The following BASP1 variants were observed in gnomAD, a reference collection of about 807,000 sequenced individuals.
The protein encoded by BASP1 is brain acid soluble protein 1.
BASP1 carries 1 observed loss-of-function variant against 2.2 expected under a neutral mutation model. That is an observed-to-expected ratio of 0.46 (90% CI 0.16 to 2.17). BASP1 has a LOEUF of 2.17. Ranked by LOEUF, BASP1 falls within the 30% of genes most tolerant of loss-of-function variation. BASP1 has a pLI of 0.27. For missense variants in BASP1, 352 were observed against 327.2 expected (o/e 1.08, Z -0.58); for synonymous variants, 187 against 154.2 (o/e 1.21, Z -1.58).
intron 1 of BASP1, among the ~76,000 whole-genome samples, chr5:17,274,891 G>A (rs879749745): frequency 5.9e-5 from 9 of 152,124 alleles, no homozygotes; most frequent in African/African-American, 1.9e-4. Context: ...TTACTTGGGC[G>A]TGGTGGGTAC....
chr5:17,242,242 A>G (rs1423258243), intron 1 of BASP1, among the ~76,000 whole-genome samples: 1 of 152,182 alleles, frequency 6.6e-6, no homozygotes, highest in Non-Finnish European at 1.5e-5. Flanking sequence ...AAAATGCAAG[A>G]AATAGTAGAA....
At chr5:17,270,837 A>T (rs1007980549) in intron 1 of BASP1, among the ~76,000 whole-genome samples, 4 of 152,202 alleles carry the variant, frequency 2.6e-5, no homozygotes, top group Admixed American at 2.0e-4. Flanking sequence ...ATTGACATTT[A>T]AAAAAATTTT....
At chr5:17,228,226 CCAGA>C (rs1316109982) in intron 1 of BASP1, among the ~76,000 whole-genome samples, 1 of 152,156 alleles carries the variant, frequency 6.6e-6, no homozygotes, top group East Asian at 1.9e-4. Flanking sequence ...TTTCTGCCAT[CCAGA>C]CAGAGAGCCT....
chr5:17,242,995 C>T (rs1373932917), intron 1 of BASP1, among the ~76,000 whole-genome samples: 1 of 151,814 alleles, frequency 6.6e-6, no homozygotes, highest in Non-Finnish European at 1.5e-5. Flanking sequence ...TAAGTCTGTG[C>T]CTTTCTGAAA....
At chr5:17,223,658 A>G (rs1328926289) in intron 1 of BASP1, among the ~76,000 whole-genome samples, 1 of 152,196 alleles carries the variant, frequency 6.6e-6, no homozygotes, top group Non-Finnish European at 1.5e-5. Flanking sequence ...GAAAAAAATG[A>G]AAGTCCTTGG....
chr5:17,261,797 T>C (rs985144530), intron 1 of BASP1, among the ~76,000 whole-genome samples: 1 of 152,248 alleles, frequency 6.6e-6, no homozygotes, highest in African/African-American at 2.4e-5. Context: ...CAAATCCTTG[T>C]AAACAAATAA....
chr5:17,240,792 G>A (rs1384343663), intron 1 of BASP1: 1 of 152,160 alleles, frequency 6.6e-6, no homozygotes, highest in Non-Finnish European at 1.5e-5. Flanking sequence ...CTACAGAACT[G>A]TGAGAAGTAA....
intron 1 of BASP1, among the ~76,000 whole-genome samples, chr5:17,241,949 C>T (rs1004073469): frequency 2.0e-5 from 3 of 152,154 alleles, no homozygotes; most frequent in East Asian, 1.9e-4. Context: ...AACTCTCAAC[C>T]GAGATACTGA....
At chr5:17,221,939 A>G (rs187958629) in intron 1 of BASP1, among the ~76,000 whole-genome samples, 7 of 152,226 alleles carry the variant, frequency 4.6e-5, no homozygotes, top group South Asian at 4.2e-4. Context: ...ATATCTAAAA[A>G]TGACTTAAGT....
Position 17,218,671 on chromosome 5 carries a change from T to A in BASP1, c.-10+861T>A, listed in dbSNP as rs543251280. 2.0e-5 allele frequency among the ~76,000 whole-genome samples: 3 copies of A among 152,090 alleles called. No homozygotes were observed. In the East Asian group the frequency reaches 5.8e-4, roughly 30 times the overall value. On this transcript the variant is annotated intron_variant, in intron 1 of 1. Transcript: ENST00000322611. ...ACTGGGCTCAGCCCCGCTGGGAGCG[T>A]AGGGTTGGGGTTGAGCAGCTTTTGC... is the stretch of plus-strand genomic sequence containing the variant.
chr5:17,266,218 A>G (rs1160230913), intron 1 of BASP1, among the ~76,000 whole-genome samples: 1 of 152,218 alleles, frequency 6.6e-6, no homozygotes, highest in Non-Finnish European at 1.5e-5. Flanking sequence ...AAGGAACAGT[A>G]TATGTGGCTT....
intron 1 of BASP1, among the ~76,000 whole-genome samples, chr5:17,248,982 T>C (rs1487094144): frequency 6.6e-6 from 1 of 152,206 alleles, no homozygotes; most frequent in African/African-American, 2.4e-5. Flanking sequence ...CAATTAACTG[T>C]AGTTTGCAAA....
chr5:17,275,744 C>G lies in BASP1; in HGVS notation c.528C>G (p.Ser176Arg). Residue 176 changes from serine (S) to arginine (R), a missense_variant, in exon 2 of 2, where the codon AGC becomes AGG. Transcript: ENST00000322611. This position sits in a 1 kb window ranked among gnomAD's most constrained non-coding sequence, Gnocchi z 5.3. ...CAGCTTCAGACTCAAAACCCGGCAG[C>G]TCGGAGGCTGCCCCCTCTTCCAAGG... ...GAPASDSKPG[S>R]SEAAPSSKET... is the part of the protein sequence containing the mutation. 6.2e-7 allele frequency: 1 copy of G among 1,612,184 alleles called. No individual in the cohort carries two copies. Among genetic ancestry groups the G allele is most frequent in the African/African-American group, 1.3e-5 (1 of 75,010 alleles).
intron 1 of BASP1, among the ~76,000 whole-genome samples, chr5:17,268,691 G>A (rs76096329): frequency 0.015 from 2,331 of 152,216 alleles, 68 homozygotes; most frequent in African/African-American, 0.053. Context: ...TGGAGAAAAA[G>A]GAACAAGCAA....
chr5:17,238,731 G>T (rs1739797723), intron 1 of BASP1, among the ~76,000 whole-genome samples: 1 of 152,078 alleles, frequency 6.6e-6, no homozygotes, highest in Non-Finnish European at 1.5e-5. Flanking sequence ...CTGATGTATG[G>T]CATCAATTAT....
intron 1 of BASP1, among the ~76,000 whole-genome samples, chr5:17,226,669 A>G (rs1045697553): frequency 2.0e-5 from 3 of 152,252 alleles, no homozygotes; most frequent in African/African-American, 7.2e-5. Context: ...ACCCTTACTA[A>G]TGTTCTCAGC....
intron 1 of BASP1, among the ~76,000 whole-genome samples, chr5:17,232,561 G>A (rs912319589): frequency 6.6e-6 from 1 of 152,122 alleles, no homozygotes; most frequent in Non-Finnish European, 1.5e-5. Context: ...CCGAACCTGT[G>A]GTCCAGTAAA....
chr5:17,221,594 G>C (rs1448308550), intron 1 of BASP1, among the ~76,000 whole-genome samples: 2 of 151,988 alleles, frequency 1.3e-5, no homozygotes, highest in African/African-American at 4.8e-5. Context: ...ACACTGAGTA[G>C]ATATATAGAC....
At chr5:17,243,209 C>G (rs1484653742) in intron 1 of BASP1, among the ~76,000 whole-genome samples, 1 of 151,604 alleles carries the variant, frequency 6.6e-6, no homozygotes, top group Non-Finnish European at 1.5e-5. Context: ...AGTGCAGGGC[C>G]GCGATCTTGA....
Sources: allele counts gnomAD v4.1 joint callset (sites outside exome capture counted in the v4.1 genomes callset), GRCh38; gene constraint gnomAD v4.1.1; non-coding constraint Gnocchi (gnomAD v3.1); transcripts MANE v1.5; gene names NCBI Gene and HGNC (gene_info 2026-07-23, HGNC 2026-07-21).